The following XKR4 variants were observed in gnomAD, a reference collection of about 807,000 sequenced individuals.
XKR4 encodes the protein XK-related protein 4.
Under a neutral mutation model 53.9 loss-of-function variants are expected in XKR4, and 12 were observed. The observed-to-expected ratio is 0.22, with a 90% CI of 0.14 to 0.36. XKR4 has a LOEUF of 0.36. Among genes scored for constraint, XKR4 ranks in the 10% least tolerant of loss-of-function variants. XKR4 has a pLI of 1.00. For missense variants in XKR4, 799 were observed against 859.5 expected, an observed-to-expected ratio of 0.93 and a Z score of 0.88; for synonymous variants, 354 against 362.4, an observed-to-expected ratio of 0.98 and a Z score of 0.26.
chr8:55,314,488 G>T (rs560139066), intron 1 of XKR4, among the ~76,000 whole-genome samples: 2 of 152,220 alleles, frequency 1.3e-5, no homozygotes, highest in African/African-American at 4.8e-5. Flanking sequence ...AGCTCCCGGG[G>T]AAACCGCCGT....
intron 1 of XKR4, among the ~76,000 whole-genome samples, chr8:55,261,071 A>G (rs6985197): frequency 0.33 from 50,406 of 152,084 alleles, 10,119 homozygotes; most frequent in Middle Eastern, 0.46. Context: ...CTTAACTCCT[A>G]TATCACTACC....
Position 55,299,715 on chromosome 8 carries a change from G to A in XKR4, c.807-57963G>A, listed in dbSNP as rs146054069. 2.4e-3 allele frequency among the ~76,000 whole-genome samples: 361 copies of A among 152,224 alleles called. 2 individuals carry two copies. The highest frequency in any genetic ancestry group is 8.2e-3 in the African/African-American group (342 of 41,536). On this transcript the variant is annotated intron_variant, in intron 1 of 2. Transcript: ENST00000327381. ...AGAGTGAAGAACAGGAAGGGCCAGG[G>A]TGACAGCTGGAATTCTGTTGTGTGC...
chr8:55,271,970 T>C (rs1818697211), intron 1 of XKR4, among the ~76,000 whole-genome samples: 1 of 152,214 alleles, frequency 6.6e-6, no homozygotes, highest in Non-Finnish European at 1.5e-5. Context: ...AAATTCTGTT[T>C]TTTATATGGT....
chr8:55,457,685 A>C (rs1486469435), intron 2 of XKR4, among the ~76,000 whole-genome samples: 1 of 152,224 alleles, frequency 6.6e-6, no homozygotes, highest in African/African-American at 2.4e-5. Context: ...AATGAAGAGC[A>C]CTGGAAGTGA....
At chr8:55,436,844 A>G (rs1805184221) in intron 2 of XKR4, among the ~76,000 whole-genome samples, 1 of 152,176 alleles carries the variant, frequency 6.6e-6, no homozygotes. Flanking sequence ...TGATTGATCC[A>G]AATATCACAG....
At chr8:55,279,249 C>T (rs190849632) in intron 1 of XKR4, among the ~76,000 whole-genome samples, 10 of 152,090 alleles carry the variant, frequency 6.6e-5, no homozygotes, top group African/African-American at 1.7e-4. Context: ...AAGTGTTAAC[C>T]GTGAGTGTGT....
At position 55,220,526 on chromosome 8, in the gene XKR4, C is replaced by A. The variant is rs7001953; in HGVS notation, c.806+117232C>A. ...CACCAACTAGGCTTCATGACTAAAG[C>A]CCACAGCTCCTGAGCCTGTAGTCAT... On this transcript the variant is annotated intron_variant, in intron 1 of 2. Transcript: ENST00000327381. Among the ~76,000 whole-genome samples the A allele has an allele frequency of 8.7e-3, 1,325 of 152,308 alleles. 14 individuals are homozygous for A. Among genetic ancestry groups the A allele is most frequent in the Middle Eastern group, 0.031 (9 of 294 alleles).
At chr8:55,106,473 T>C (rs1344087114) in intron 1 of XKR4, among the ~76,000 whole-genome samples, 2 of 152,174 alleles carry the variant, frequency 1.3e-5, no homozygotes, top group South Asian at 4.1e-4. Flanking sequence ...ATTATGACTT[T>C]AAAGGAACTG....
chr8:55,280,625 T>A (rs1475399161), intron 1 of XKR4, among the ~76,000 whole-genome samples: 1 of 152,190 alleles, frequency 6.6e-6, no homozygotes, highest in Non-Finnish European at 1.5e-5. Context: ...ATATACTCAC[T>A]CTTTACTTTG....
intron 1 of XKR4, among the ~76,000 whole-genome samples, chr8:55,154,164 C>T (rs977638011): frequency 6.6e-6 from 1 of 152,130 alleles, no homozygotes; most frequent in African/African-American, 2.4e-5. Flanking sequence ...TTAACACATT[C>T]TTGGATTTGC....
intron 2 of XKR4, among the ~76,000 whole-genome samples, chr8:55,383,406 G>T (rs1014606238): frequency 6.6e-6 from 1 of 152,174 alleles, no homozygotes; most frequent in African/African-American, 2.4e-5. Context: ...AACAGGAACT[G>T]CTGGGGGCCT....
chr8:55,117,449 C>A (rs1389146440), intron 1 of XKR4, among the ~76,000 whole-genome samples: 1 of 152,140 alleles, frequency 6.6e-6, no homozygotes, highest in Non-Finnish European at 1.5e-5. Context: ...TAAGGCCGAG[C>A]AACATGCTGT....
At chr8:55,226,782 A>G (rs1189188965) in intron 1 of XKR4, among the ~76,000 whole-genome samples, 1 of 151,970 alleles carries the variant, frequency 6.6e-6, no homozygotes, top group Non-Finnish European at 1.5e-5. Context: ...TTCCTTTAAT[A>G]CCTCTTGTTT....
rs539867850 is a variant in XKR4, at chr8:55,538,505, C to G, written c.*14278C>G. The G allele has an allele frequency of 6.6e-6, 1 of 152,176 alleles. No individual in the cohort carries two copies. Among genetic ancestry groups the G allele is most frequent in the Non-Finnish European group, 1.5e-5 (1 of 68,044 alleles). 9.4% of individuals were successfully genotyped at this position (152,176 alleles called of 1,614,324 possible). Reference sequence around the variant, plus strand: ...AAACTAACACTTTTCCTTCAAAGGTCTATGTATAATTTTCTTCAATGATTA... The same window carrying G: ...AAACTAACACTTTTCCTTCAAAGGTGTATGTATAATTTTCTTCAATGATTA... On this transcript the variant is annotated 3_prime_UTR_variant, in exon 3 of 3. Coordinates refer to ENST00000327381, the MANE Select transcript of XKR4 (RefSeq NM_052898.2).
chr8:55,434,684 T>C (rs2129393971), intron 2 of XKR4, among the ~76,000 whole-genome samples: 1 of 152,322 alleles, frequency 6.6e-6, no homozygotes, highest in East Asian at 1.9e-4. Flanking sequence ...TGTGAGTAAA[T>C]CTGTTAATGG....
chr8:55,357,331 C>G (rs1046913294), intron 1 of XKR4, among the ~76,000 whole-genome samples: 1 of 152,138 alleles, frequency 6.6e-6, no homozygotes, highest in Admixed American at 6.5e-5. Context: ...TCATGAACAC[C>G]GTTAAGCACA....
chr8:55,238,232 C>G (rs965587509), intron 1 of XKR4, among the ~76,000 whole-genome samples: 1 of 152,130 alleles, frequency 6.6e-6, no homozygotes. Context: ...GCCAATGATA[C>G]CATTCTAAGC....
chr8:55,510,656 G>A (rs1229681423), intron 2 of XKR4, among the ~76,000 whole-genome samples: 1 of 152,116 alleles, frequency 6.6e-6, no homozygotes, highest in East Asian at 1.9e-4. Flanking sequence ...TGTCAGCTGA[G>A]ATCAAGCTGC....
intron 1 of XKR4, among the ~76,000 whole-genome samples, chr8:55,119,401 G>A (rs1321200633): frequency 2.0e-5 from 3 of 152,066 alleles, no homozygotes; most frequent in Admixed American, 6.5e-5. Flanking sequence ...TTTTAAGTGG[G>A]ACTTAAGAGA....
Sources: allele counts gnomAD v4.1 joint callset (sites outside exome capture counted in the v4.1 genomes callset), GRCh38; gene constraint gnomAD v4.1.1; transcripts MANE v1.5; gene names NCBI Gene and HGNC (gene_info 2026-07-23, HGNC 2026-07-21).